The following KIFAP3 variants were observed in gnomAD, a reference collection of about 807,000 sequenced individuals.
KIFAP3 encodes the protein kinesin-associated protein 3.
In KIFAP3, 68 loss-of-function variants were observed where a neutral mutation model predicts 106.5. That is an observed-to-expected ratio of 0.64 (90% CI 0.53 to 0.78). KIFAP3 has a LOEUF of 0.78. Among genes scored for constraint, KIFAP3 ranks in the 30% least tolerant of loss-of-function variants. The pLI is 0.00. For missense variants in KIFAP3, 780 were observed against 941.8 expected (o/e 0.83, Z 2.25); for synonymous variants, 320 against 311.5 (o/e 1.03, Z -0.29).
intron 14 of KIFAP3, among the ~76,000 whole-genome samples, chr1:169,982,415 G>A (rs772392054): frequency 6.6e-6 from 1 of 151,970 alleles, no homozygotes; most frequent in Non-Finnish European, 1.5e-5. Context: ...TATATGCAGA[G>A]GGATGGTATT....
intron 8 of KIFAP3, among the ~76,000 whole-genome samples, chr1:170,025,620 T>C (rs1229273250): frequency 1.3e-5 from 2 of 152,184 alleles, no homozygotes; most frequent in African/African-American, 4.8e-5. Flanking sequence ...AAAACAGTTT[T>C]ATGAGGAAAG....
At chr1:170,003,725 T>C (rs895952316) in intron 10 of KIFAP3, among the ~76,000 whole-genome samples, 3 of 152,148 alleles carry the variant, frequency 2.0e-5, no homozygotes, top group Admixed American at 2.0e-4. Context: ...TAATAAGAGC[T>C]ATCTATGACA....
intron 9 of KIFAP3, 140 bp downstream of exon 9, chr1:170,024,278 A>AT (rs1475525685): frequency 1.8e-5 from 9 of 512,448 alleles, no homozygotes; most frequent in Non-Finnish European, 3.1e-5. Flanking sequence ...TAATGAAGCA[A>AT]TATCAGTGAG....
intron 9 of KIFAP3, among the ~76,000 whole-genome samples, chr1:170,019,590 T>C (rs1308996918): frequency 6.6e-6 from 1 of 152,150 alleles, no homozygotes; most frequent in African/African-American, 2.4e-5. Flanking sequence ...AAAACCCATA[T>C]GATTATCTCA....
At chr1:170,024,727 G>T in intron 8 of KIFAP3, 131 bp from the exon 9 acceptor site, 1 of 478,102 alleles carries the variant, frequency 2.1e-6, no homozygotes. Context: ...AATTTTAACT[G>T]GTTAATAATT....
chr1:169,992,195 C>A lies in KIFAP3; in HGVS notation c.1244G>T (p.Arg415Leu), dbSNP rs763167127. The change falls in exon 11 of 20, where the codon CGC (arginine) becomes CTC (leucine). Residue 415 changes from arginine (R) to leucine (L), a missense_variant. Transcript: ENST00000361580. ...CVLYHISMDD[R>L]FKSMFAYTDC... ...AGTGTATGCAAACATTGATTTAAAG[C>A]GGTCATCCATGCTTATGTGGTAAAG... 1 of 1,582,082 alleles carries A rather than the reference C, an allele frequency of 6.3e-7. No individual in the cohort carries two copies. Among genetic ancestry groups the A allele is most frequent in the South Asian group, 1.2e-5 (1 of 85,498 alleles).
chr1:169,984,867 A>C (rs1666735104), intron 11 of KIFAP3, among the ~76,000 whole-genome samples, 177 bp from the exon 12 acceptor site: 1 of 151,906 alleles, frequency 6.6e-6, no homozygotes, highest in Non-Finnish European at 1.5e-5. Context: ...GGATGAATAA[A>C]CAGTTAATGA....
At chr1:170,015,046 G>A (rs1668436699) in intron 10 of KIFAP3, among the ~76,000 whole-genome samples, 1 of 152,046 alleles carries the variant, frequency 6.6e-6, no homozygotes, top group Admixed American at 6.6e-5. Flanking sequence ...GGGCTCCAAA[G>A]GAGATAAAAC....
At chr1:170,001,624 G>A (rs775239444) in intron 10 of KIFAP3, among the ~76,000 whole-genome samples, 1 of 152,132 alleles carries the variant, frequency 6.6e-6, no homozygotes, top group Non-Finnish European at 1.5e-5. Context: ...GAGAAACAGT[G>A]TAGTAGTCTA....
In KIFAP3 at chr1:170,039,308, T is replaced by A; in HGVS notation, c.320-20A>T. On this transcript the variant is annotated intron_variant, in intron 3 of 19. Coordinates refer to ENST00000361580, the MANE Select transcript of KIFAP3 (RefSeq NM_014970.4). Reference sequence around the variant, plus strand: ...TTTTCTCTGTAAAAAGATTTTTTTTTAATAAGGAGACTTAGGTTTTTAGGG... The same window carrying A: ...TTTTCTCTGTAAAAAGATTTTTTTTAAATAAGGAGACTTAGGTTTTTAGGG... 2 of 1,447,644 alleles carry A rather than the reference T, an allele frequency of 1.4e-6. No individual in the cohort carries two copies. Among genetic ancestry groups the A allele is most frequent in the Non-Finnish European group, 1.9e-6 (2 of 1,042,438 alleles). 89.7% of individuals were successfully genotyped at this position (1,447,644 alleles called of 1,614,324 possible).
intron 18 of KIFAP3, among the ~76,000 whole-genome samples, chr1:169,957,401 T>C (rs1351860354): frequency 6.6e-6 from 1 of 152,164 alleles, no homozygotes; most frequent in African/African-American, 2.4e-5. Flanking sequence ...CCAAGTAAGA[T>C]GATAAAGGCA....
chr1:169,949,294 T>A (rs1209350800), intron 19 of KIFAP3, among the ~76,000 whole-genome samples: 3 of 152,092 alleles, frequency 2.0e-5, no homozygotes, highest in Non-Finnish European at 2.9e-5. Flanking sequence ...AAGAGTCAGA[T>A]GGCTCAGATA....
chr1:170,056,425 T>C (rs1394566274), intron 1 of KIFAP3, among the ~76,000 whole-genome samples: 2 of 152,204 alleles, frequency 1.3e-5, no homozygotes, highest in African/African-American at 4.8e-5. Context: ...AAACCAATGA[T>C]GAATTAATCA....
intron 10 of KIFAP3, among the ~76,000 whole-genome samples, chr1:170,004,318 G>A (rs1667826225): frequency 6.6e-6 from 1 of 152,136 alleles, no homozygotes; most frequent in South Asian, 2.1e-4. Context: ...TCGCCATCAA[G>A]CTACCAATGA....
Position 169,997,335 on chromosome 1 carries a change from AT to A in KIFAP3, c.1184-5081del, listed in dbSNP as rs1352055809. ...ACAATAAATCAATTCAATAAATATC[AT>A]TTCTTATTATTATGTTGACAATAAC... On this transcript the variant is annotated intron_variant, in intron 10 of 19. Transcript: ENST00000361580. 9.9e-5 allele frequency among the ~76,000 whole-genome samples: 15 copies of A among 152,200 alleles called. No homozygotes were observed. The East Asian group carries it at 2.9e-3, about 29-fold the overall frequency.
intron 3 of KIFAP3, chr1:170,041,858 T>C: frequency 7.2e-7 from 1 of 1,397,942 alleles, no homozygotes; most frequent in Non-Finnish European, 9.4e-7. Context: ...AAGGGCCCTG[T>C]TTAAGGGGAA....
At chr1:169,973,429 G>T (rs2101892656) in intron 16 of KIFAP3, among the ~76,000 whole-genome samples, 2 of 73,690 alleles carry the variant, frequency 2.7e-5, no homozygotes, top group East Asian at 8.9e-4. Context: ...TATAATTCAA[G>T]AAAACTTTCC....
Position 170,032,017 on chromosome 1 carries a change from T to C in KIFAP3, c.743-33A>G, listed in dbSNP as rs575561132. On this transcript the variant is annotated intron_variant, in intron 7 of 19. Coordinates refer to ENST00000361580, the MANE Select transcript of KIFAP3 (RefSeq NM_014970.4). ...ACTTGTTAAGGATCATCCATACTCA[T>C]TGAAGCAAAAAAAATCTACTGATAA... 4.2e-4 allele frequency: 360 copies of C among 858,542 alleles called. 5 individuals carry two copies. In the South Asian group the frequency reaches 4.2e-3, roughly 10 times the overall value. The allele number at this position is 858,542 out of a possible 1,614,324, so 53.2% of individuals were successfully genotyped here. A position where few individuals can be genotyped will look rare whatever the true frequency, so the allele number is the denominator to read the frequency against.
At chr1:170,082,364 A>G (rs1358476231) in intron 1 of KIFAP3, among the ~76,000 whole-genome samples, 3 of 152,258 alleles carry the variant, frequency 2.0e-5, no homozygotes, top group East Asian at 3.8e-4. Context: ...TTGAATAGAA[A>G]AAAAGCACAC....
Sources: gnomAD v4.1 joint callset for allele counts (sites outside exome capture counted in the v4.1 genomes callset) on GRCh38, gnomAD v4.1.1 for gene constraint, MANE v1.5 for transcripts, NCBI Gene and HGNC (gene_info 2026-07-23, HGNC 2026-07-21) for gene names.